Variants in AKAP10 observed in about 807,000 individuals in gnomAD.
AKAP10 encodes the protein A-kinase anchoring protein 10, also known as A-kinase anchor protein 10, mitochondrial.
AKAP10 carries 24 observed loss-of-function variants against 80.8 expected under a neutral mutation model. The observed-to-expected ratio is 0.30, with a 90% CI of 0.22 to 0.42. The LOEUF (loss-of-function observed/expected upper bound fraction) is 0.42, where lower values mean the gene tolerates loss of function less well. AKAP10 is among the 10% of genes least tolerant of loss of function. AKAP10 has a pLI of 1.00. For synonymous variants in AKAP10, 291 were observed against 277.7 expected (o/e 1.05, Z -0.48); for missense variants, 661 against 794.9 (o/e 0.83, Z 2.03).
intron 14 of AKAP10, among the ~76,000 whole-genome samples, chr17:19,908,692 T>G (rs969677963): frequency 6.6e-6 from 1 of 151,988 alleles, no homozygotes; most frequent in African/African-American, 2.4e-5. Flanking sequence ...CAGGCTGGAG[T>G]GCAGTGGTGT....
chr17:19,926,861 C>A (rs1225531952), intron 10 of AKAP10, among the ~76,000 whole-genome samples: 3 of 152,190 alleles, frequency 2.0e-5, no homozygotes, highest in Non-Finnish European at 2.9e-5. Flanking sequence ...TGGCTCACGC[C>A]TGTAATCCCA....
At chr17:19,967,148 A>C (rs2043430283) in intron 2 of AKAP10, among the ~76,000 whole-genome samples, 1 of 152,206 alleles carries the variant, frequency 6.6e-6, no homozygotes, top group African/African-American at 2.4e-5. Flanking sequence ...AAATAAATTG[A>C]TGAAATTAAT....
At chr17:19,954,172 G>A (rs571366270) in intron 4 of AKAP10, among the ~76,000 whole-genome samples, 2 of 152,190 alleles carry the variant, frequency 1.3e-5, no homozygotes, top group African/African-American at 4.8e-5. Context: ...TTCCCAATTC[G>A]TTTTATAAGG....
At chr17:19,907,519 G>A (rs2042644312) in intron 14 of AKAP10, among the ~76,000 whole-genome samples, 2 of 150,586 alleles carry the variant, frequency 1.3e-5, no homozygotes, top group African/African-American at 2.4e-5. Flanking sequence ...CCGGGTTCAA[G>A]TGATTCTTGT....
intron 9 of AKAP10, among the ~76,000 whole-genome samples, chr17:19,935,425 C>T (rs1190333230): frequency 6.6e-6 from 1 of 152,078 alleles, no homozygotes; most frequent in Non-Finnish European, 1.5e-5. Context: ...ACACTGTACA[C>T]TTAGGCTACA....
chr17:19,939,868 C>T lies in AKAP10; in HGVS notation c.1186-19G>A, dbSNP rs1555575688. ...CCATGTACTAGGAAGAAAAAATACACAAGGGAAAATAAGACTATAAACAGA... is the reference window on the plus strand; with the variant it reads ...CCATGTACTAGGAAGAAAAAATACATAAGGGAAAATAAGACTATAAACAGA... On this transcript the variant is annotated intron_variant, in intron 7 of 14. Coordinates refer to ENST00000225737, the MANE Select transcript of AKAP10 (RefSeq NM_007202.4). The T allele has an allele frequency of 7.5e-6, 12 of 1,606,440 alleles. No individual in the cohort carries two copies. The highest frequency in any genetic ancestry group is 1.7e-5 in the Admixed American group (1 of 58,668).
At chr17:19,960,182 T>C (rs977521442) in intron 3 of AKAP10, among the ~76,000 whole-genome samples, 1 of 152,212 alleles carries the variant, frequency 6.6e-6, no homozygotes, top group Non-Finnish European at 1.5e-5. Flanking sequence ...ATACTGACAG[T>C]GATACAACAC....
rs1478415777 is a variant in AKAP10, at chr17:19,905,318, C to T, written c.*909G>A. ...GAGGCAGTCAAAGTCAAATGTTTCT[C>T]TCTCCCCAGTCATCCTGCTCACCTT... On this transcript the variant is annotated 3_prime_UTR_variant, in exon 15 of 15. Transcript: ENST00000225737. 2 of 151,724 alleles carry T rather than the reference C, an allele frequency of 1.3e-5. No individual in the cohort carries two copies. The highest frequency in any genetic ancestry group is 2.9e-5 in the Non-Finnish European group (2 of 67,974). 9.4% of individuals were successfully genotyped at this position (151,724 alleles called of 1,614,324 possible).
At chr17:19,956,798 A>T (rs2043281811) in intron 4 of AKAP10, among the ~76,000 whole-genome samples, 1 of 152,072 alleles carries the variant, frequency 6.6e-6, no homozygotes, top group Non-Finnish European at 1.5e-5. Context: ...TGAGGTCAGG[A>T]GTTCAAGATC....
At chr17:19,937,306 G>A (rs1381887009) in intron 8 of AKAP10, among the ~76,000 whole-genome samples, 6 of 151,954 alleles carry the variant, frequency 3.9e-5, no homozygotes, top group Non-Finnish European at 7.4e-5. Flanking sequence ...GTTCAAGACC[G>A]GCCTGGCCAA....
At chr17:19,943,760 G>A (rs1156884529) in intron 5 of AKAP10, among the ~76,000 whole-genome samples, 1 of 152,222 alleles carries the variant, frequency 6.6e-6, no homozygotes, top group Non-Finnish European at 1.5e-5. Flanking sequence ...ACTTGTACTT[G>A]AGACTGGCAT....
chr17:19,932,897 T>A (rs1181879016), intron 9 of AKAP10, among the ~76,000 whole-genome samples: 2 of 152,192 alleles, frequency 1.3e-5, no homozygotes, highest in African/African-American at 4.8e-5. Context: ...TCATGTTTAT[T>A]ATTTATATTT....
chr17:19,958,314 C>T lies in AKAP10; in HGVS notation c.577G>A (p.Glu193Lys), dbSNP rs1567772902. 1.2e-6 allele frequency: 2 copies of T among 1,614,220 alleles called. No individual in the cohort carries two copies. The highest frequency in any genetic ancestry group is 1.7e-6 in the Non-Finnish European group (2 of 1,180,036). Residue 193 changes from glutamate to lysine, a missense_variant, in exon 4 of 15, where the codon GAA (glutamate) becomes AAA (lysine). Coordinates refer to ENST00000225737, the MANE Select transcript of AKAP10 (RefSeq NM_007202.4). ...TCAGTTAAAAAAGACGCTGTAGTTT[C>T]ATGCTTTTTAGATGGAGAGACAGGC... ...AEPVSPSKKH[E>K]TTASFLTDSL... is the part of the protein sequence containing the mutation.
chr17:19,918,499 T>C (rs921577775), intron 12 of AKAP10, among the ~76,000 whole-genome samples: 3 of 152,164 alleles, frequency 2.0e-5, no homozygotes, highest in Non-Finnish European at 2.9e-5. Flanking sequence ...GCCTGGCTAA[T>C]TTAGTAGAGA....
chr17:19,941,312 C>T (rs527610041), intron 6 of AKAP10, among the ~76,000 whole-genome samples: 4 of 152,234 alleles, frequency 2.6e-5, no homozygotes, highest in African/African-American at 4.8e-5. Flanking sequence ...TGCCTAACCA[C>T]GTCTTACACA....
chr17:19,912,152 C>T (rs1235318875), intron 12 of AKAP10, among the ~76,000 whole-genome samples: 8 of 152,268 alleles, frequency 5.3e-5, no homozygotes, highest in African/African-American at 9.6e-5. Context: ...CGGTGGCTCA[C>T]GCCTGTAATC....
chr17:19,945,306 C>A (rs1597509047), intron 5 of AKAP10, among the ~76,000 whole-genome samples: 1 of 152,092 alleles, frequency 6.6e-6, no homozygotes, highest in Non-Finnish European at 1.5e-5. Flanking sequence ...ACACGCCAGT[C>A]AGGCTATTAA....
At chr17:19,909,791 C>T in intron 13 of AKAP10, 135 bp downstream of exon 13, 2 of 704,900 alleles carry the variant, frequency 2.8e-6, no homozygotes, top group South Asian at 1.9e-5. Flanking sequence ...TTTCTTGGTA[C>T]ATTCTGGGTA....
chr17:19,915,635 C>G (rs955108266), intron 12 of AKAP10, among the ~76,000 whole-genome samples: 1 of 152,152 alleles, frequency 6.6e-6, no homozygotes, highest in African/African-American at 2.4e-5. Flanking sequence ...GTGGGCATGT[C>G]TCAATTAAAT....
Sources: allele counts gnomAD v4.1 joint callset (sites outside exome capture counted in the v4.1 genomes callset), GRCh38; gene constraint gnomAD v4.1.1; transcripts MANE v1.5; gene names NCBI Gene and HGNC (gene_info 2026-07-23, HGNC 2026-07-21).